Variants in LRMDA observed in about 807,000 individuals in gnomAD.
The protein encoded by LRMDA is leucine rich melanocyte differentiation associated.
LRMDA carries 18 observed loss-of-function variants against 29.8 expected under a neutral mutation model. The observed-to-expected ratio is 0.60, with a 90% CI of 0.42 to 0.90. The LOEUF is 0.90. Among genes scored for constraint, LRMDA ranks in the 40% least tolerant of loss-of-function variants. The pLI is 0.00. For synonymous variants in LRMDA, 125 were observed against 109.4 expected (o/e 1.14, Z -0.89); for missense variants, 273 against 273.9 (o/e 1.00, Z 0.02).
At chr10:76,383,100 G>A (rs1185744906) in intron 6 of LRMDA, among the ~76,000 whole-genome samples, 1 of 152,202 alleles carries the variant, frequency 6.6e-6, no homozygotes, top group Admixed American at 6.5e-5. Context: ...ATTGGGCAAT[G>A]GTTTTGGAAT....
At chr10:76,251,872 G>C (rs1054436193) in intron 5 of LRMDA, among the ~76,000 whole-genome samples, 2 of 152,182 alleles carry the variant, frequency 1.3e-5, no homozygotes, top group Non-Finnish European at 2.9e-5. Flanking sequence ...GAGTCCAGCC[G>C]GTGGTGGAGC....
chr10:76,180,119 T>A (rs1851015453), intron 5 of LRMDA, among the ~76,000 whole-genome samples: 1 of 151,974 alleles, frequency 6.6e-6, no homozygotes, highest in South Asian at 2.1e-4. Flanking sequence ...TAGTTTCGAT[T>A]TTGGGTAAAC....
At chr10:75,707,917 C>A (rs1356733656) in intron 2 of LRMDA, among the ~76,000 whole-genome samples, 3 of 152,154 alleles carry the variant, frequency 2.0e-5, no homozygotes, top group Non-Finnish European at 2.9e-5. Flanking sequence ...TGCTGCCTCT[C>A]GGTCAGGATT....
At chr10:76,199,131 G>C (rs1485086302) in intron 5 of LRMDA, among the ~76,000 whole-genome samples, 1 of 152,138 alleles carries the variant, frequency 6.6e-6, no homozygotes, top group East Asian at 1.9e-4. Flanking sequence ...TAAAAATACA[G>C]ATGTCATCTG....
At chr10:76,422,165 CTG>C (rs1455406100) in intron 6 of LRMDA, among the ~76,000 whole-genome samples, 1 of 152,064 alleles carries the variant, frequency 6.6e-6, no homozygotes, top group Non-Finnish European at 1.5e-5. Flanking sequence ...ACTTATAAGA[CTG>C]TGAAGTTTGG....
At chr10:75,675,847 A>C (rs1841953942) in intron 2 of LRMDA, among the ~76,000 whole-genome samples, 1 of 152,138 alleles carries the variant, frequency 6.6e-6, no homozygotes. Context: ...AGCCTTTTGA[A>C]ATCTGATCTA....
intron 2 of LRMDA, among the ~76,000 whole-genome samples, chr10:75,969,508 G>A (rs1846927161): frequency 6.6e-6 from 1 of 152,232 alleles, no homozygotes; most frequent in Admixed American, 6.5e-5. Context: ...GGCATACTGA[G>A]GTTCAGCACA....
At chr10:76,532,886 G>A (rs1457155053) in intron 6 of LRMDA, among the ~76,000 whole-genome samples, 1 of 152,124 alleles carries the variant, frequency 6.6e-6, no homozygotes, top group Non-Finnish European at 1.5e-5. Context: ...AGTTATCACA[G>A]TTCTTCTAAT....
chr10:76,041,863 G>A (rs577126174), intron 3 of LRMDA, among the ~76,000 whole-genome samples: 2 of 152,242 alleles, frequency 1.3e-5, no homozygotes, highest in South Asian at 2.1e-4. Context: ...GGTGTGTGCC[G>A]GGAACCCAGC....
chr10:75,600,261 CT>C (rs1025455084), intron 2 of LRMDA, among the ~76,000 whole-genome samples: 1 of 152,158 alleles, frequency 6.6e-6, no homozygotes, highest in Non-Finnish European at 1.5e-5. Flanking sequence ...CATCCAACAC[CT>C]TGCGTGTGAA....
rs1225432994 is a variant in LRMDA at position 76,142,704 on chromosome 10, ATT to A, written c.516+83922_516+83923del. On this transcript the variant is annotated intron_variant, in intron 5 of 6. Coordinates refer to ENST00000611255, the MANE Select transcript of LRMDA (RefSeq NM_001305581.2). ...TATCTTTATTATTATTATTATTATT[ATT>A]ATACTTTAAGTTTTAGGGTACATGT... Among the ~76,000 whole-genome samples the A allele has an allele frequency of 1.1e-4, 16 of 148,752 alleles. 1 individual carries two copies. Among genetic ancestry groups the A allele is most frequent in the East Asian group, 3.9e-4 (2 of 5,162 alleles).
At chr10:75,971,773 G>A (rs946257155) in intron 2 of LRMDA, among the ~76,000 whole-genome samples, 2 of 152,148 alleles carry the variant, frequency 1.3e-5, no homozygotes, top group African/African-American at 4.8e-5. Context: ...TGCTTGACCT[G>A]TGGGTGAGAT....
chr10:76,148,070 C>A (rs1850362618), intron 5 of LRMDA, among the ~76,000 whole-genome samples: 1 of 152,164 alleles, frequency 6.6e-6, no homozygotes, highest in Non-Finnish European at 1.5e-5. Flanking sequence ...GAGTACCCGG[C>A]CGTGTGAGGT....
chr10:76,186,989 T>C (rs1851161549), intron 5 of LRMDA, among the ~76,000 whole-genome samples: 2 of 152,186 alleles, frequency 1.3e-5, no homozygotes, highest in Admixed American at 1.3e-4. Context: ...TTGGTTTGAT[T>C]TGATTCAACA....
intron 5 of LRMDA, among the ~76,000 whole-genome samples, chr10:76,314,145 C>T (rs933150527): frequency 6.6e-6 from 1 of 152,082 alleles, no homozygotes; most frequent in Non-Finnish European, 1.5e-5. Context: ...GGCAGAACAT[C>T]CTATCTATAA....
At chr10:75,481,608 C>T (rs1002237086) in intron 2 of LRMDA, among the ~76,000 whole-genome samples, 1 of 152,318 alleles carries the variant, frequency 6.6e-6, no homozygotes, top group Admixed American at 6.5e-5. Context: ...TTAAGAGGTC[C>T]ACTCACGCAT....
At chr10:75,773,578 C>T (rs1404710540) in intron 2 of LRMDA, among the ~76,000 whole-genome samples, 2 of 152,292 alleles carry the variant, frequency 1.3e-5, no homozygotes, top group East Asian at 1.9e-4. Context: ...GAATGTTTTC[C>T]ACGTCCTTGA....
At chr10:75,742,012 C>T (rs1388629318) in intron 2 of LRMDA, among the ~76,000 whole-genome samples, 1 of 152,198 alleles carries the variant, frequency 6.6e-6, no homozygotes, top group Admixed American at 6.5e-5. Context: ...ACGCCAGGAT[C>T]AGGCCATGCC....
At position 75,610,653 on chromosome 10, in the gene LRMDA, C is replaced by T. The variant is rs536978524; in HGVS notation, c.131+172159C>T. Among the ~76,000 whole-genome samples the T allele has an allele frequency of 3.9e-5, 6 of 152,250 alleles. No homozygotes were observed. The South Asian group carries it at 6.2e-4, about 16-fold the overall frequency. ...AGACTTTATGGGACTGGCCCATGTT[C>T]GGGTGGCAGAGGCAGGCCCAGGTTC... On this transcript the variant is annotated intron_variant, in intron 2 of 6. Transcript: ENST00000611255.
Sources: gnomAD v4.1 joint callset for allele counts (sites outside exome capture counted in the v4.1 genomes callset) on GRCh38, gnomAD v4.1.1 for gene constraint, MANE v1.5 for transcripts, NCBI Gene and HGNC (gene_info 2026-07-23, HGNC 2026-07-21) for gene names.